Variants in INTS6L observed in about 807,000 individuals in gnomAD.
The protein encoded by INTS6L is integrator complex subunit 6-like.
In INTS6L, 18 loss-of-function variants were observed where a neutral mutation model predicts 64.7. The observed-to-expected ratio is 0.28, with a 90% CI of 0.19 to 0.41. INTS6L has a LOEUF of 0.41. Among genes scored for constraint, INTS6L ranks in the 10% least tolerant of loss-of-function variants. The pLI is 1.00. For synonymous variants in INTS6L, 227 were observed against 235.9 expected (o/e 0.96, Z 0.34); for missense variants, 533 against 661.0 (o/e 0.81, Z 2.12).
At chrX:135,527,304 C>A (rs1556501869) in intron 2 of INTS6L, among the ~76,000 whole-genome samples, 1 of 112,198 alleles carries the variant, frequency 8.9e-6, no homozygotes, top group African/African-American at 3.2e-5. Context: ...ATTCATTTAC[C>A]ATATACTTCT....
At chrX:135,547,959 G>A (rs1306972638) in intron 6 of INTS6L, among the ~76,000 whole-genome samples, 1 of 110,500 alleles carries the variant, frequency 9.0e-6, no homozygotes, top group African/African-American at 3.3e-5. Context: ...AAGCACCATG[G>A]CAACGCATTG....
chrX:135,525,222 C>T (rs2085699900), intron 2 of INTS6L, among the ~76,000 whole-genome samples: 2 of 111,908 alleles, frequency 1.8e-5, no homozygotes, highest in African/African-American at 6.5e-5. Context: ...AAGAGGCAGG[C>T]TTGTCACTAC....
intron 14 of INTS6L, among the ~76,000 whole-genome samples, chrX:135,575,534 G>T (rs1052239975): frequency 2.1e-4 from 23 of 111,878 alleles, no homozygotes; most frequent in Admixed American, 3.8e-4. Flanking sequence ...AGGCCACAGT[G>T]GTCAAACGCC....
At chrX:135,536,540 T>G (rs1294068887) in intron 2 of INTS6L, among the ~76,000 whole-genome samples, 1 of 110,137 alleles carries the variant, frequency 9.1e-6, no homozygotes, top group African/African-American at 3.3e-5. Context: ...AGAACAGGAG[T>G]TTTTCAGAAA....
Position 135,579,916 on chromosome X carries a change from C to A in INTS6L, c.2248C>A (p.Gln750Lys). ...NMTGDLMPPN[Q>K]VDSLSDDFTS... is the part of the protein sequence containing the mutation. ...GACAGGAGATCTTATGCCACCCAAC[C>A]AAGTGGATTCTCTGTCTGACGACTT... The change falls in exon 16 of 18, where the codon CAA becomes AAA. Residue 750 changes from glutamine to lysine, a missense_variant. Coordinates refer to ENST00000639893, the MANE Select transcript of INTS6L (RefSeq NM_001351601.3). The A allele has an allele frequency of 8.3e-7, 1 of 1,211,616 alleles. No homozygotes were observed. The highest frequency in any genetic ancestry group is 1.8e-5 in the South Asian group (1 of 56,939).
intron 11 of INTS6L, chrX:135,571,288 G>A (rs1417969194): frequency 5.3e-5 from 6 of 112,499 alleles, no homozygotes; most frequent in Non-Finnish European, 1.1e-4. Context: ...TCATATGAAT[G>A]TGTTATGTTA....
At chrX:135,528,292 A>C (rs1357666197) in intron 2 of INTS6L, among the ~76,000 whole-genome samples, 1 of 111,816 alleles carries the variant, frequency 8.9e-6, no homozygotes, top group Non-Finnish European at 1.9e-5. Context: ...TTAACCCTTC[A>C]TGTCACTTAG....
chrX:135,537,007 T>C (rs1556508972), intron 2 of INTS6L, among the ~76,000 whole-genome samples: 2 of 112,040 alleles, frequency 1.8e-5, no homozygotes, highest in Non-Finnish European at 3.8e-5. Flanking sequence ...TCAGAGAACA[T>C]ACCAGAATAT....
chrX:135,528,440 A>G (rs2085800954), intron 2 of INTS6L, among the ~76,000 whole-genome samples: 1 of 111,455 alleles, frequency 9.0e-6, no homozygotes, highest in African/African-American at 3.3e-5. Flanking sequence ...GGGTGGGGAC[A>G]CTGTAAAGGC....
Position 135,527,998 on chromosome X carries a change from C to T in INTS6L, c.189+6680C>T, listed in dbSNP as rs782333754. On this transcript the variant is annotated intron_variant, in intron 2 of 17. Transcript: ENST00000639893. ...AAAATATGATAGTGGTTCCACATCTCAGGAAGAAATGTGTTTTCTAGAGAA... is the reference window on the plus strand; with the variant it reads ...AAAATATGATAGTGGTTCCACATCTTAGGAAGAAATGTGTTTTCTAGAGAA... 8.1e-5 allele frequency among the ~76,000 whole-genome samples: 9 copies of T among 111,552 alleles called. No homozygotes were observed. The East Asian group carries it at 2.5e-3, about 31-fold the overall frequency.
chrX:135,553,481 A>ATC lies in INTS6L; in HGVS notation c.1059+1336_1059+1337insCT, dbSNP rs1289456773. The stretch of plus-strand genomic sequence containing the variant: ...CCACAATTCCTGGCTAATTTTTTAA[A>ATC]TTTTTTTTTTTTTTTTTTTTTTTAG... On this transcript the variant is annotated intron_variant, in intron 8 of 17. Coordinates refer to ENST00000639893, the MANE Select transcript of INTS6L (RefSeq NM_001351601.3). 5.8e-4 allele frequency among the ~76,000 whole-genome samples: 47 copies of ATC among 80,766 alleles called. 5 individuals are homozygous for ATC. Among genetic ancestry groups the ATC allele is most frequent in the Non-Finnish European group, 8.0e-4 (31 of 38,988 alleles). 70.1% of individuals were successfully genotyped at this position (80,766 alleles called of 115,157 possible).
At chrX:135,569,253 G>A (rs1211407786) in intron 9 of INTS6L, 84 bp from the exon 10 acceptor site, 1 of 542,012 alleles carries the variant, frequency 1.8e-6, no homozygotes, top group African/African-American at 2.4e-5. Context: ...TACATTAAAA[G>A]CTGAAGTTTC....
At chrX:135,543,098 A>G (rs782508024) in intron 2 of INTS6L, among the ~76,000 whole-genome samples, 1 of 111,307 alleles carries the variant, frequency 9.0e-6, no homozygotes, top group South Asian at 3.8e-4. Context: ...AGCAGTCTCC[A>G]AACCAGTTTC....
At chrX:135,522,229 G>T (rs371911469) in intron 2 of INTS6L, among the ~76,000 whole-genome samples, 3 of 112,229 alleles carry the variant, frequency 2.7e-5, no homozygotes, top group South Asian at 7.3e-4. Context: ...GCTTTTTAGG[G>T]ATCCGCTCTA....
rs1556514528 is a variant in INTS6L at position 135,545,303 on chromosome X, T to C, written c.190-120T>C. 4 of 898,754 alleles carry C rather than the reference T, an allele frequency of 4.5e-6. No individual in the cohort carries two copies. The African/African-American group carries it at 6.1e-5, about 14-fold the overall frequency. The allele number at this position is 898,754 out of a possible 1,213,427, so 74.1% of individuals were successfully genotyped here. A position where few individuals can be genotyped will look rare whatever the true frequency, so the allele number is the denominator to read the frequency against. On this transcript the variant is annotated intron_variant, in intron 2 of 17. Transcript: ENST00000639893. The stretch of plus-strand genomic sequence containing the variant: ...CTACCTGATCAGTGAAGATATAGAA[T>C]AGAATTAGGTTAAAGAGTGGTTAAT...
intron 2 of INTS6L, among the ~76,000 whole-genome samples, chrX:135,537,019 CAA>C (rs2086074562): frequency 8.9e-6 from 1 of 112,140 alleles, no homozygotes; most frequent in Non-Finnish European, 1.9e-5. Flanking sequence ...CCAGAATATT[CAA>C]AAGAGCTTCA....
chrX:135,526,118 T>G (rs781904522), intron 2 of INTS6L, among the ~76,000 whole-genome samples: 1 of 111,602 alleles, frequency 9.0e-6, no homozygotes, highest in Non-Finnish European at 1.9e-5. Flanking sequence ...CTCGTATCCA[T>G]TCATTCTTAT....
chrX:135,576,337 A>G (rs1418475210), intron 14 of INTS6L, among the ~76,000 whole-genome samples: 1 of 109,616 alleles, frequency 9.1e-6, no homozygotes, highest in African/African-American at 3.3e-5. Context: ...CAAAAAAAAA[A>G]AAAAAAAATT....
rs781839951 is a variant in INTS6L, at chrX:135,581,588, C to A, written c.2649C>A (p.His883Gln). The change falls in exon 18 of 18, where the codon CAC becomes CAA. Residue 883 changes from histidine (H) to glutamine (Q), a missense_variant. Physicochemically the swap from His to Gln is conservative, Grantham distance 24 (BLOSUM62 0). Coordinates refer to ENST00000639893, the MANE Select transcript of INTS6L (RefSeq NM_001351601.3). ...LEKVLEKINSHHLHNNISHIN... is the reference protein window; with the variant it reads ...LEKVLEKINSQHLHNNISHIN... Reference sequence around the variant, plus strand: ...AGGTACTAGAAAAAATAAATTCCCACCACCTTCACAACAACATTAGTCACA... The same window carrying A: ...AGGTACTAGAAAAAATAAATTCCCAACACCTTCACAACAACATTAGTCACA... 1.7e-6 allele frequency: 2 copies of A among 1,210,743 alleles called. No homozygotes were observed. Among genetic ancestry groups the A allele is most frequent in the South Asian group, 3.5e-5 (2 of 56,837 alleles).
Sources: gnomAD v4.1 joint callset for allele counts (sites outside exome capture counted in the v4.1 genomes callset) on GRCh38, gnomAD v4.1.1 for gene constraint, MANE v1.5 for transcripts, NCBI Gene and HGNC (gene_info 2026-07-23, HGNC 2026-07-21) for gene names.